Variants in CDC14B observed in about 807,000 individuals in gnomAD.
The protein encoded by CDC14B is cell division cycle 14B.
CDC14B carries 22 observed loss-of-function variants against 64.2 expected under a neutral mutation model. That is an observed-to-expected ratio of 0.34 (90% CI 0.24 to 0.49). The LOEUF (loss-of-function observed/expected upper bound fraction) is 0.49, where lower values mean the gene tolerates loss of function less well. Among genes scored for constraint, CDC14B ranks in the 20% least tolerant of loss-of-function variants. The pLI is 0.99. For synonymous variants in CDC14B, 191 were observed against 215.8 expected, an observed-to-expected ratio of 0.89 and a Z score of 1.01; for missense variants, 498 against 629.9, an observed-to-expected ratio of 0.79 and a Z score of 2.24.
intron 5 of CDC14B, among the ~76,000 whole-genome samples, chr9:96,543,546 G>A (rs1264670560): frequency 6.6e-6 from 1 of 152,098 alleles, no homozygotes; most frequent in Non-Finnish European, 1.5e-5. Context: ...TTACTTTACA[G>A]ACAACTCCAG....
At chr9:96,568,775 G>T (rs541630999) in intron 1 of CDC14B, among the ~76,000 whole-genome samples, 6 of 152,288 alleles carry the variant, frequency 3.9e-5, no homozygotes, top group Non-Finnish European at 1.5e-5. Flanking sequence ...AAGTTAGCCA[G>T]TCGTGGTGGT....
chr9:96,542,467 ACCC>A (rs1840196270), intron 5 of CDC14B, among the ~76,000 whole-genome samples: 1 of 152,036 alleles, frequency 6.6e-6, no homozygotes, highest in African/African-American at 2.4e-5. Flanking sequence ...AAAGACTTTT[ACCC>A]ATTTAACTGG....
intron 1 of CDC14B, among the ~76,000 whole-genome samples, chr9:96,598,347 G>A (rs1846216820): frequency 2.0e-5 from 3 of 151,910 alleles, no homozygotes; most frequent in South Asian, 2.1e-4. Context: ...TTTGTTTTTT[G>A]TTTTTTTGAG....
chr9:96,570,346 A>G (rs373675662), intron 1 of CDC14B, among the ~76,000 whole-genome samples: 20 of 152,348 alleles, frequency 1.3e-4, no homozygotes, highest in South Asian at 1.0e-3. Flanking sequence ...AAAGATTTGA[A>G]GAACCCTATT....
rs1423044625 is a variant in CDC14B at position 96,585,590 on chromosome 9, A to G, written c.161-20107T>C. ...TGAAATACCACTTCACACCCATTAA[A>G]ATGGCTAAAATTAGAAATGACAACA... On this transcript the variant is annotated intron_variant, in intron 1 of 13. Transcript: ENST00000375241. Among the ~76,000 whole-genome samples, 11 of 152,338 alleles carry G rather than the reference A, an allele frequency of 7.2e-5. No individual in the cohort carries two copies. The South Asian group carries it at 2.3e-3, about 32-fold the overall frequency.
intron 1 of CDC14B, among the ~76,000 whole-genome samples, chr9:96,615,524 G>C (rs1020537812): frequency 1.3e-5 from 2 of 152,192 alleles, no homozygotes; most frequent in Non-Finnish European, 2.9e-5. Context: ...GTATTTAAGG[G>C]CAGGGTGGAC....
chr9:96,589,694 C>T (rs1189262055), intron 1 of CDC14B, among the ~76,000 whole-genome samples: 1 of 152,120 alleles, frequency 6.6e-6, no homozygotes, highest in Non-Finnish European at 1.5e-5. Context: ...CACGGTGGCT[C>T]ACACCTGTAA....
At chr9:96,576,236 T>C (rs888817806) in intron 1 of CDC14B, among the ~76,000 whole-genome samples, 4 of 151,498 alleles carry the variant, frequency 2.6e-5, no homozygotes, top group Non-Finnish European at 4.4e-5. Flanking sequence ...GCCGAGATCA[T>C]GCCACTGCAC....
intron 1 of CDC14B, among the ~76,000 whole-genome samples, chr9:96,608,182 A>G (rs999126648): frequency 6.6e-6 from 1 of 152,212 alleles, no homozygotes; most frequent in Non-Finnish European, 1.5e-5. Flanking sequence ...CAGCTATTAC[A>G]AGGATGAGAC....
chr9:96,572,789 A>G (rs1229886134), intron 1 of CDC14B, among the ~76,000 whole-genome samples: 2 of 152,244 alleles, frequency 1.3e-5, no homozygotes, highest in East Asian at 3.8e-4. Flanking sequence ...AACTTCCTTA[A>G]GCTGATAAAG....
At chr9:96,504,399 C>T (rs1833853716) in intron 13 of CDC14B, among the ~76,000 whole-genome samples, 1 of 152,104 alleles carries the variant, frequency 6.6e-6, no homozygotes, top group African/African-American at 2.4e-5. Flanking sequence ...TTTCAGAAAG[C>T]AAACAAAACC....
rs560074692 is a variant in CDC14B, at chr9:96,519,529, AT to A, written c.1343+2976del. 1.1e-4 allele frequency among the ~76,000 whole-genome samples: 17 copies of A among 152,236 alleles called. No individual in the cohort carries two copies. In the East Asian group the frequency reaches 2.9e-3, roughly 26 times the overall value. Reference sequence around the variant, plus strand: ...GGTGGGTGTACCACTTGAGGTCAGGATTTCGAGACCAGCCTGGCCAACATGG... The same window carrying A: ...GGTGGGTGTACCACTTGAGGTCAGGATTCGAGACCAGCCTGGCCAACATGG... On this transcript the variant is annotated intron_variant, in intron 12 of 13. Transcript: ENST00000375241.
At chr9:96,607,216 A>G (rs995347434) in intron 1 of CDC14B, among the ~76,000 whole-genome samples, 1 of 151,958 alleles carries the variant, frequency 6.6e-6, no homozygotes, top group Non-Finnish European at 1.5e-5. Context: ...TGTGGCAGGA[A>G]ATGGTTGTCT....
At chr9:96,559,754 G>A (rs1032576675) in intron 4 of CDC14B, among the ~76,000 whole-genome samples, 17 of 152,172 alleles carry the variant, frequency 1.1e-4, no homozygotes, top group Non-Finnish European at 2.4e-4. Flanking sequence ...CACTGGGTAA[G>A]TAATAAATGC....
At chr9:96,514,537 A>G in intron 12 of CDC14B, 2 of 985,460 alleles carry the variant, frequency 2.0e-6, no homozygotes, top group Non-Finnish European at 2.4e-6. Flanking sequence ...AATCAGCTTG[A>G]TTTTTAAATC....
At position 96,535,816 on chromosome 9, in the gene CDC14B, G is replaced by A. The variant is rs773433861; in HGVS notation, c.628-1274C>T. Among the ~76,000 whole-genome samples, 4 of 149,416 alleles carry A rather than the reference G, an allele frequency of 2.7e-5. No individual in the cohort carries two copies. In the South Asian group the frequency reaches 6.2e-4, roughly 23 times the overall value. Reference sequence around the variant, plus strand: ...CAGCCGGGTGCAGTGGCATGCACCTGTAGTCCTAGCTACTTGGGAGGCTGA... The same window carrying A: ...CAGCCGGGTGCAGTGGCATGCACCTATAGTCCTAGCTACTTGGGAGGCTGA... On this transcript the variant is annotated intron_variant, in intron 7 of 13. Coordinates refer to ENST00000375241, the MANE Select transcript of CDC14B (RefSeq NM_033331.4).
intron 1 of CDC14B, among the ~76,000 whole-genome samples, chr9:96,608,313 T>C (rs1056152157): frequency 6.6e-6 from 1 of 152,242 alleles, no homozygotes; most frequent in African/African-American, 2.4e-5. Context: ...CTGTGTTTGT[T>C]AGATAAACTC....
chr9:96,534,616 T>A, intron 7 of CDC14B, 74 bp from the exon 8 acceptor site: 1 of 956,844 alleles, frequency 1.0e-6, no homozygotes. Context: ...AGACTGAGTC[T>A]CTGAAGGACT....
At chr9:96,528,968 C>T (rs558611114) in intron 9 of CDC14B, among the ~76,000 whole-genome samples, 2 of 152,220 alleles carry the variant, frequency 1.3e-5, no homozygotes, top group Admixed American at 1.3e-4. Context: ...TGTTTTTAGG[C>T]GTTTTCTCTA....
Sources: gnomAD v4.1 joint callset for allele counts (sites outside exome capture counted in the v4.1 genomes callset) on GRCh38, gnomAD v4.1.1 for gene constraint, MANE v1.5 for transcripts, NCBI Gene and HGNC (gene_info 2026-07-23, HGNC 2026-07-21) for gene names.